DDHD1: variants seen among roughly 807,000 people sequenced by gnomAD.
The protein encoded by DDHD1 is phospholipase DDHD1.
In DDHD1, 49 loss-of-function variants were observed where a neutral mutation model predicts 96.4. That is an observed-to-expected ratio of 0.51 (90% CI 0.40 to 0.64). The LOEUF (loss-of-function observed/expected upper bound fraction) is 0.64, where lower values mean the gene tolerates loss of function less well. Ranked by LOEUF, DDHD1 falls within the 30% of genes least tolerant of loss-of-function variation. DDHD1 has a pLI of 0.00. For synonymous variants in DDHD1, 442 were observed against 446.5 expected, an observed-to-expected ratio of 0.99 and a Z score of 0.13; for missense variants, 1,106 against 1,161.2, an observed-to-expected ratio of 0.95 and a Z score of 0.69.
chr14:53,070,610 C>T (rs1229315675), intron 6 of DDHD1, among the ~76,000 whole-genome samples: 1 of 152,136 alleles, frequency 6.6e-6, no homozygotes, highest in African/African-American at 2.4e-5. Flanking sequence ...AGACACAACA[C>T]TATCTGTTAC....
intron 3 of DDHD1, 51 bp downstream of exon 3, chr14:53,093,265 A>C: frequency 6.4e-7 from 1 of 1,557,162 alleles, no homozygotes; most frequent in Middle Eastern, 2.3e-4. Context: ...AATATGAGAG[A>C]AAGTCAGATT....
At position 53,045,929 on chromosome 14, in the gene DDHD1, T is replaced by C. The variant is rs1881975328; in HGVS notation, c.*839A>G. 6.6e-6 allele frequency: 1 copy of C among 152,206 alleles called. No homozygotes were observed. The highest frequency in any genetic ancestry group is 2.4e-5 in the African/African-American group (1 of 41,446). The allele number at this position is 152,206 out of a possible 1,614,324, so 9.4% of individuals were successfully genotyped here. On this transcript the variant is annotated 3_prime_UTR_variant, in exon 13 of 13. Transcript: ENST00000673822. Reference sequence around the variant, plus strand: ...AATAAAGCTAATGAAATGTACCCATTATGGAGTACTCCGTGTCAAGTTTAG... The same window carrying C: ...AATAAAGCTAATGAAATGTACCCATCATGGAGTACTCCGTGTCAAGTTTAG...
At chr14:53,083,071 T>G (rs1168164022) in intron 4 of DDHD1, among the ~76,000 whole-genome samples, 1 of 152,182 alleles carries the variant, frequency 6.6e-6, no homozygotes, top group Non-Finnish European at 1.5e-5. Flanking sequence ...CTCCATATTT[T>G]AATATTTTGT....
chr14:53,116,915 G>A (rs1387473096), intron 1 of DDHD1, among the ~76,000 whole-genome samples: 1 of 152,114 alleles, frequency 6.6e-6, no homozygotes, highest in African/African-American at 2.4e-5. Flanking sequence ...AAAAATCAAT[G>A]AATCCAGGAG....
rs572753997 is a variant in DDHD1 at position 53,041,623 on chromosome 14, G to C, written c.*5145C>G. The C allele has an allele frequency of 9.2e-5, 14 of 152,276 alleles. No homozygotes were observed. The highest frequency in any genetic ancestry group is 3.4e-4 in the African/African-American group (14 of 41,546). 9.4% of individuals were successfully genotyped at this position (152,276 alleles called of 1,614,324 possible). A position where few individuals can be genotyped will look rare whatever the true frequency, so the allele number is the denominator to read the frequency against. On this transcript the variant is annotated 3_prime_UTR_variant, in exon 13 of 13. Transcript: ENST00000673822. ...TTCCTTAAGTTTGCATTTGTCACCA[G>C]AATAGAAAACTAACAAAATATTTCC...
intron 7 of DDHD1, among the ~76,000 whole-genome samples, chr14:53,061,518 T>C (rs1291677815): frequency 6.6e-6 from 1 of 152,212 alleles, no homozygotes; most frequent in Non-Finnish European, 1.5e-5. Context: ...ATATATACTG[T>C]TCTCTCTTTT....
At chr14:53,124,249 T>TTATATATATATATATATATATA (rs35996453) in intron 1 of DDHD1, among the ~76,000 whole-genome samples, 72 of 146,500 alleles carry the variant, frequency 4.9e-4, no homozygotes, top group African/African-American at 1.7e-3. Context: ...AAAAAAAAAA[T>TTATATATATATATATATATATA]TATATATATA....
intron 1 of DDHD1, among the ~76,000 whole-genome samples, chr14:53,142,101 C>T (rs1890680044): frequency 2.0e-5 from 3 of 152,132 alleles, no homozygotes; most frequent in African/African-American, 7.2e-5. Context: ...CAGGAATGAT[C>T]CCCATTTACA....
intron 1 of DDHD1, among the ~76,000 whole-genome samples, chr14:53,126,962 C>A (rs774958500): frequency 6.6e-6 from 1 of 151,810 alleles, no homozygotes; most frequent in African/African-American, 2.4e-5. Context: ...TAAGCTCTAA[C>A]GGGTTGAAAT....
At chr14:53,142,633 G>C (rs1371990460) in intron 1 of DDHD1, among the ~76,000 whole-genome samples, 1 of 152,214 alleles carries the variant, frequency 6.6e-6, no homozygotes, top group East Asian at 1.9e-4. Context: ...GACAGGATCT[G>C]CATACCAACA....
At chr14:53,141,064 A>C (rs576591374) in intron 1 of DDHD1, among the ~76,000 whole-genome samples, 1 of 152,378 alleles carries the variant, frequency 6.6e-6, no homozygotes, top group East Asian at 1.9e-4. Flanking sequence ...TTCAAAATAC[A>C]TGAAGCAAAA....
chr14:53,127,947 T>C (rs1165092088), intron 1 of DDHD1, among the ~76,000 whole-genome samples: 1 of 152,232 alleles, frequency 6.6e-6, no homozygotes, highest in African/African-American at 2.4e-5. Flanking sequence ...ATTCAAATTG[T>C]AATCTTCACG....
At chr14:53,051,267 TA>T (rs1174652455) in intron 12 of DDHD1, among the ~76,000 whole-genome samples, 1 of 151,906 alleles carries the variant, frequency 6.6e-6, no homozygotes, top group African/African-American at 2.4e-5. Context: ...TTTAAACTGC[TA>T]AAGTTAATCC....
At chr14:53,133,466 C>T (rs1002598910) in intron 1 of DDHD1, among the ~76,000 whole-genome samples, 18 of 152,138 alleles carry the variant, frequency 1.2e-4, no homozygotes, top group African/African-American at 4.3e-4. Context: ...TCTCCCAGTC[C>T]CTGGGCATTC....
intron 1 of DDHD1, among the ~76,000 whole-genome samples, chr14:53,112,356 G>A (rs894910563): frequency 1.3e-5 from 2 of 151,854 alleles, no homozygotes; most frequent in Non-Finnish European, 2.9e-5. Flanking sequence ...GGCAGAGGTT[G>A]CAGTGAGCTG....
chr14:53,125,842 C>T (rs1369639186), intron 1 of DDHD1, among the ~76,000 whole-genome samples: 1 of 151,954 alleles, frequency 6.6e-6, no homozygotes, highest in Non-Finnish European at 1.5e-5. Flanking sequence ...GCTGGGATTA[C>T]AGGTACCCAC....
At chr14:53,118,134 T>A (rs915520144) in intron 1 of DDHD1, among the ~76,000 whole-genome samples, 4 of 151,908 alleles carry the variant, frequency 2.6e-5, no homozygotes, top group Admixed American at 2.0e-4. Context: ...AAAAAGGACA[T>A]CCACACCAAA....
At chr14:53,114,346 CTGACAAGGG>C (rs1888384594) in intron 1 of DDHD1, among the ~76,000 whole-genome samples, 1 of 152,210 alleles carries the variant, frequency 6.6e-6, no homozygotes, top group African/African-American at 2.4e-5. Flanking sequence ...GCAGTTGATA[CTGACAAGGG>C]TGATTCTCCC....
intron 4 of DDHD1, among the ~76,000 whole-genome samples, chr14:53,090,900 A>G (rs1172773959): frequency 6.6e-6 from 1 of 152,162 alleles, no homozygotes; most frequent in Non-Finnish European, 1.5e-5. Flanking sequence ...TTGTATTTTA[A>G]CTTTAATCCG....
Sources: gnomAD v4.1 joint callset for allele counts (sites outside exome capture counted in the v4.1 genomes callset) on GRCh38, gnomAD v4.1.1 for gene constraint, MANE v1.5 for transcripts, NCBI Gene and HGNC (gene_info 2026-07-23, HGNC 2026-07-21) for gene names.